The following PDE2A variants were observed in gnomAD, a reference collection of about 807,000 sequenced individuals.
PDE2A encodes the protein phosphodiesterase 2A.
A neutral mutation model predicts 133.6 loss-of-function variants in PDE2A; 53 were observed. The observed-to-expected ratio is 0.40, with a 90% CI of 0.32 to 0.50. PDE2A has a LOEUF of 0.50. PDE2A is among the 20% of genes least tolerant of loss of function. The pLI is 0.73. For missense variants in PDE2A, 796 were observed against 1,232.4 expected (o/e 0.65, Z 5.30); for synonymous variants, 491 against 490.2 (o/e 1.00, Z -0.02).
intron 25 of PDE2A, 122 bp downstream of exon 25, chr11:72,580,455 G>A (rs1855670616): frequency 1.3e-6 from 1 of 763,236 alleles, no homozygotes. Flanking sequence ...TCCTAGGTGT[G>A]GCTGCAGCTC....
Position 72,589,792 on chromosome 11 carries a change from C to T in PDE2A, c.832G>A (p.Val278Ile). ...SEDNLQLSCK[V>I]IGDKVLGEEV... Reference sequence around the variant, plus strand: ...TCCCCGAGCACTTTGTCTCCGATGACCTGAGGAACGGAGTGCAGGGGGCTG... The same window carrying T: ...TCCCCGAGCACTTTGTCTCCGATGATCTGAGGAACGGAGTGCAGGGGGCTG... Residue 278 changes from valine (V) to isoleucine (I), a missense_variant and splice_region_variant, in exon 11 of 31, where the codon GTC (valine) becomes ATC (isoleucine). Transcript: ENST00000334456. The T allele has an allele frequency of 6.2e-7, 1 of 1,613,816 alleles. No individual in the cohort carries two copies. The highest frequency in any genetic ancestry group is 8.5e-7 in the Non-Finnish European group (1 of 1,179,880).
chr11:72,597,456 G>A lies in PDE2A; in HGVS notation c.433+54C>T. ...GACACACATGACCTGGAGTGCAGGG[G>A]CCACAGTCCCTCCCTGCCCCTGCCC... On this transcript the variant is annotated intron_variant, in intron 5 of 30. Coordinates refer to ENST00000334456, the MANE Select transcript of PDE2A (RefSeq NM_002599.5). This position sits in a 1 kb window ranked among gnomAD's most constrained non-coding sequence, Gnocchi z 4.6. The A allele has an allele frequency of 2.0e-6, 2 of 1,014,206 alleles. No individual in the cohort carries two copies. The highest frequency in any genetic ancestry group is 2.4e-5 in the East Asian group (1 of 41,244). The allele number at this position is 1,014,206 out of a possible 1,614,324, so 62.8% of individuals were successfully genotyped here.
intron 1 of PDE2A, among the ~76,000 whole-genome samples, chr11:72,644,088 C>T (rs1859062487): frequency 6.6e-6 from 1 of 152,186 alleles, no homozygotes; most frequent in Non-Finnish European, 1.5e-5. Context: ...GCCACCCCAC[C>T]CCCAATACCC....
chr11:72,654,872 C>G (rs1854846981), intron 1 of PDE2A, among the ~76,000 whole-genome samples: 1 of 152,192 alleles, frequency 6.6e-6, no homozygotes, highest in South Asian at 2.1e-4. Flanking sequence ...ACAGCTCCAG[C>G]CCCCGGTCCC....
At chr11:72,640,723 A>G (rs760889213) in intron 2 of PDE2A, among the ~76,000 whole-genome samples, 7 of 152,154 alleles carry the variant, frequency 4.6e-5, no homozygotes, top group South Asian at 2.1e-4. Flanking sequence ...CTTCCTGGCC[A>G]CACACAACAG....
intron 5 of PDE2A, 67 bp from the exon 6 acceptor site, chr11:72,596,715 C>T: frequency 2.8e-6 from 3 of 1,058,006 alleles, no homozygotes; most frequent in Non-Finnish European, 3.9e-6. Flanking sequence ...CGAGCCGGGA[C>T]CCAGGTGGGG....
intron 13 of PDE2A, 56 bp downstream of exon 13, chr11:72,588,728 C>G (rs924363565): frequency 3.3e-6 from 5 of 1,537,430 alleles, no homozygotes; most frequent in Non-Finnish European, 4.4e-6. Context: ...CCTCGTGGAG[C>G]CCTAGCCAGC....
Position 72,596,654 on chromosome 11 carries a change from G to T in PDE2A, c.434-6C>A, listed in dbSNP as rs369319916. On this transcript the variant is annotated splice_polypyrimidine_tract_variant and splice_region_variant and intron_variant, in intron 5 of 30. Transcript: ENST00000334456. ...CGCTAGCGGCATGACCAGCACTGAG[G>T]GGGAGAGGGCAATGAGGTGCTCCTG... is the stretch of plus-strand genomic sequence containing the variant. 20 of 1,459,960 alleles carry T rather than the reference G, an allele frequency of 1.4e-5. No homozygotes were observed. Among genetic ancestry groups the T allele is most frequent in the Middle Eastern group, 1.8e-4 (1 of 5,494 alleles). 90.4% of individuals were successfully genotyped at this position (1,459,960 alleles called of 1,614,324 possible). A position where few individuals can be genotyped will look rare whatever the true frequency, so the allele number is the denominator to read the frequency against.
rs774956736 is a variant in PDE2A, at chr11:72,577,558, C to A, written c.2652G>T (p.Leu884=). 8.1e-6 allele frequency: 13 copies of A among 1,606,524 alleles called. No homozygotes were observed. In the South Asian group the frequency reaches 1.4e-4, roughly 18 times the overall value. ...CACGGTTGGAGGCCACGCGCTCGTA[C>A]AGCTCTGCCGCTTTGGGGAACAGGT... ...LQDLFPKAAE[L]YERVASNREH... is the part of the protein sequence containing the mutation. The change falls in exon 31 of 31, where the codon CTG becomes CTT. Residue 884 remains leucine (L), a synonymous_variant. Coordinates refer to ENST00000334456, the MANE Select transcript of PDE2A (RefSeq NM_002599.5).
chr11:72,664,364 ATTTTTTTTTTT>A (rs34217943), intron 1 of PDE2A, among the ~76,000 whole-genome samples: 6 of 70,076 alleles, frequency 8.6e-5, no homozygotes, highest in Admixed American at 3.6e-4. Context: ...CCCTTGAAGG[ATTTTTTTTTTT>A]TTTTTTTTTT....
intron 2 of PDE2A, among the ~76,000 whole-genome samples, chr11:72,616,459 G>GCCC (rs1857479011): frequency 6.6e-6 from 1 of 152,214 alleles, no homozygotes; most frequent in Non-Finnish European, 1.5e-5. Flanking sequence ...GCATTACCCA[G>GCCC]CCCCTCATAG....
chr11:72,589,290 G>T, intron 11 of PDE2A, 50 bp from the exon 12 acceptor site: 1 of 1,416,746 alleles, frequency 7.1e-7, no homozygotes, highest in Non-Finnish European at 9.9e-7. Context: ...CCCAGGTCAG[G>T]GGATCTCAAC....
At chr11:72,633,823 C>A (rs117195947) in intron 2 of PDE2A, among the ~76,000 whole-genome samples, 1 of 152,126 alleles carries the variant, frequency 6.6e-6, no homozygotes, top group Non-Finnish European at 1.5e-5. Flanking sequence ...AAGCCCCCTA[C>A]CGCATTTCTG....
At chr11:72,613,708 T>C (rs1029078691) in intron 2 of PDE2A, among the ~76,000 whole-genome samples, 14 of 152,190 alleles carry the variant, frequency 9.2e-5, no homozygotes, top group African/African-American at 3.4e-4. Flanking sequence ...AATAGTCACC[T>C]TGAGAACACT....
At chr11:72,595,378 CT>C (rs1231359768) in intron 6 of PDE2A, among the ~76,000 whole-genome samples, 1 of 152,122 alleles carries the variant, frequency 6.6e-6, no homozygotes, top group African/African-American at 2.4e-5. Flanking sequence ...AGGCGACCCC[CT>C]GAGAACTCCG....
At chr11:72,631,388 G>A (rs1304759682) in intron 2 of PDE2A, among the ~76,000 whole-genome samples, 8 of 152,220 alleles carry the variant, frequency 5.3e-5, no homozygotes, top group African/African-American at 1.9e-4. Flanking sequence ...TCCACCTAGG[G>A]CTCCTAAGGA....
intron 1 of PDE2A, 138 bp from the exon 2 acceptor site, chr11:72,642,464 C>A (rs1213194867): frequency 7.3e-6 from 7 of 964,454 alleles, no homozygotes; most frequent in Non-Finnish European, 7.6e-6. Flanking sequence ...CCCGAGTGTC[C>A]GCCCCGGCCC....
intron 1 of PDE2A, 130 bp from the exon 2 acceptor site, chr11:72,642,456 C>G (rs568416121): frequency 9.5e-6 from 10 of 1,051,060 alleles, no homozygotes; most frequent in Admixed American, 5.2e-5. Flanking sequence ...CTGGTCCGCC[C>G]GAGTGTCCGC....
At chr11:72,584,996 C>A in intron 16 of PDE2A, 52 bp from the exon 17 acceptor site, 12 of 1,542,280 alleles carry the variant, frequency 7.8e-6, no homozygotes, top group Non-Finnish European at 1.1e-5. Flanking sequence ...CCTCTGATCG[C>A]CCTCACGTCC....
Sources: gnomAD v4.1 joint callset for allele counts (sites outside exome capture counted in the v4.1 genomes callset) on GRCh38, gnomAD v4.1.1 for gene constraint, Gnocchi (gnomAD v3.1) non-coding constraint, MANE v1.5 for transcripts, NCBI Gene and HGNC (gene_info 2026-07-23, HGNC 2026-07-21) for gene names.